Variants in TFR2 observed in about 807,000 individuals in gnomAD.
The protein encoded by TFR2 is transferrin receptor protein 2.
Under a neutral mutation model 91.9 loss-of-function variants are expected in TFR2, and 64 were observed. The observed-to-expected ratio is 0.70, with a 90% CI of 0.57 to 0.86. The LOEUF (loss-of-function observed/expected upper bound fraction) is 0.86. Among genes scored for constraint, TFR2 ranks in the 40% least tolerant of loss-of-function variants. TFR2 has a pLI of 0.00. For missense variants in TFR2, 950 were observed against 1,080.5 expected (o/e 0.88, Z 1.69); for synonymous variants, 454 against 459.6 (o/e 0.99, Z 0.15).
chr7:100,621,148 G>A, intron 17 of TFR2, 22 bp from the exon 18 acceptor site: 2 of 1,490,048 alleles, frequency 1.3e-6, no homozygotes. Flanking sequence ...GGGGGATCAG[G>A]TCAGGGTTGG....
In TFR2 at chr7:100,627,335, C is replaced by T. The variant is rs775396434; in HGVS notation, c.1924G>A (p.Asp642Asn). The T allele has an allele frequency of 1.8e-5, 28 of 1,551,060 alleles. No individual in the cohort carries two copies. The highest frequency in any genetic ancestry group is 2.3e-5 in the Non-Finnish European group (26 of 1,147,176). Residue 642 changes from aspartate (D) to asparagine (N), a missense_variant, in exon 16 of 18, where the codon GAC (aspartate) becomes AAC (asparagine). Asp to Asn is a conservative substitution (Grantham distance 23, BLOSUM62 1). Coordinates refer to ENST00000223051, the MANE Select transcript of TFR2 (RefSeq NM_003227.4). ...ACGACGTCCCCGTAGCGGCCGAAGTCGAGGGGCAGCAGGCGATCGTGGCTG... is the reference window on the plus strand; with the variant it reads ...ACGACGTCCCCGTAGCGGCCGAAGTTGAGGGGCAGCAGGCGATCGTGGCTG... ...RLSHDRLLPL[D>N]FGRYGDVVLR...
At chr7:100,621,301 T>C (rs1376492938) in intron 17 of TFR2, among the ~76,000 whole-genome samples, 175 bp from the exon 18 acceptor site, 3 of 152,242 alleles carry the variant, frequency 2.0e-5, no homozygotes, top group African/African-American at 4.8e-5. Context: ...TCTCCCAGGC[T>C]GGAGTGCAGT....
Position 100,628,249 on chromosome 7 carries a change from C to A in TFR2, c.1448G>T (p.Ser483Ile). 1.9e-6 allele frequency: 3 copies of A among 1,613,918 alleles called. No individual in the cohort carries two copies. Among genetic ancestry groups the A allele is most frequent in the Non-Finnish European group, 2.5e-6 (3 of 1,179,946 alleles). The change falls in exon 11 of 18, where the codon AGC becomes ATC. Residue 483 changes from serine to isoleucine, a missense_variant. By Grantham distance (142) the Ser-to-Ile change is moderately radical (BLOSUM62 -2). Transcript: ENST00000223051. ...CTCTAGCCACTCCGTGGAGCCCACG[C>A]TTCCAAAGTCACCACCGTCCCAGCT... ...FISWDGGDFG[S>I]VGSTEWLEGY...
In TFR2 at chr7:100,627,569, C is replaced by T. The variant is rs1803301515; in HGVS notation, c.1767+8G>A. On this transcript the variant is annotated splice_region_variant and intron_variant, in intron 15 of 17. Coordinates refer to ENST00000223051, the MANE Select transcript of TFR2 (RefSeq NM_003227.4). ...CGCTGTGTCTGGGGCAGGGGGAGGA[C>T]GTCTCACCTCCATAAAGGAGAACTC... The T allele has an allele frequency of 6.2e-7, 1 of 1,614,094 alleles. No individual in the cohort carries two copies. Among genetic ancestry groups the T allele is most frequent in the Non-Finnish European group, 8.5e-7 (1 of 1,179,968 alleles).
At chr7:100,631,728 C>T in intron 8 of TFR2, 78 bp downstream of exon 8, 1 of 1,546,100 alleles carries the variant, frequency 6.5e-7, no homozygotes, top group Non-Finnish European at 8.7e-7. Context: ...TTCTAGTTCA[C>T]CCACAATCAC....
intron 3 of TFR2, chr7:100,633,783 T>A (rs1803519961): frequency 1.6e-6 from 1 of 636,478 alleles, no homozygotes; most frequent in Non-Finnish European, 2.4e-6. Context: ...ATCTCGGCTC[T>A]CTGCAACTTC....
Position 100,640,810 on chromosome 7 carries a change from C to T in TFR2, c.349G>A (p.Val117Met), listed in dbSNP as rs1377241802. The T allele has an allele frequency of 6.2e-7, 1 of 1,614,072 alleles. No homozygotes were observed. The highest frequency in any genetic ancestry group is 8.5e-7 in the Non-Finnish European group (1 of 1,180,042). Residue 117 changes from valine to methionine, a missense_variant, in exon 3 of 18, where the codon GTG becomes ATG. Physicochemically the swap from Val to Met is conservative, Grantham distance 21. Transcript: ENST00000223051. ...SCQACGDSVL[V>M]VSEDVNYEPD... Reference sequence around the variant, plus strand: ...TCATAGTTGACATCCTCACTGACCACCAACACAGAGTCTCCGCACGCCTGG... The same window carrying T: ...TCATAGTTGACATCCTCACTGACCATCAACACAGAGTCTCCGCACGCCTGG...
chr7:100,623,348 C>A (rs565203641), intron 17 of TFR2, among the ~76,000 whole-genome samples: 1 of 152,314 alleles, frequency 6.6e-6, no homozygotes, highest in African/African-American at 2.4e-5. Context: ...TATTATTCTC[C>A]TCCTCTTCCC....
At chr7:100,636,722 T>A (rs1803577357) in intron 3 of TFR2, among the ~76,000 whole-genome samples, 1 of 151,932 alleles carries the variant, frequency 6.6e-6, no homozygotes, top group Non-Finnish European at 1.5e-5. Flanking sequence ...ACATGACAAA[T>A]GTCCTATAGC....
intron 12 of TFR2, 27 bp from the exon 13 acceptor site, chr7:100,628,001 C>T (rs1003928892): frequency 6.2e-7 from 1 of 1,614,020 alleles, no homozygotes; most frequent in East Asian, 2.2e-5. Context: ...GGAGGGATGC[C>T]AGGCTCAGGG....
chr7:100,638,733 A>G (rs1562844275), intron 3 of TFR2, among the ~76,000 whole-genome samples: 1 of 146,050 alleles, frequency 6.8e-6, no homozygotes, highest in Non-Finnish European at 1.5e-5. Flanking sequence ...CCTGGGCAAC[A>G]GTGAAACTCT....
Position 100,620,803 on chromosome 7 carries a change from G to T in TFR2, c.*54C>A. 1 of 1,610,064 alleles carries T rather than the reference G, an allele frequency of 6.2e-7. No individual in the cohort carries two copies. Among genetic ancestry groups the T allele is most frequent in the Non-Finnish European group, 8.5e-7 (1 of 1,177,110 alleles). ...CTCCCTGACCCTGAATCATTCAAGC[G>T]AGGAGCAGAGGAGCTCTTGACTGGG... On this transcript the variant is annotated 3_prime_UTR_variant, in exon 18 of 18. Transcript: ENST00000223051.
intron 17 of TFR2, among the ~76,000 whole-genome samples, chr7:100,622,970 C>CCAAACAAA (rs3991183): frequency 2.0e-5 from 3 of 149,426 alleles, no homozygotes; most frequent in Non-Finnish European, 4.5e-5. Flanking sequence ...GAAAACAAAA[C>CCAAACAAA]CAAACAAACA....
intron 3 of TFR2, among the ~76,000 whole-genome samples, chr7:100,637,475 T>C (rs972170109): frequency 2.0e-5 from 3 of 151,734 alleles, no homozygotes; most frequent in African/African-American, 7.3e-5. Flanking sequence ...ACGCCTGTAG[T>C]CCCAGCTACT....
chr7:100,640,149 G>C (rs1203101505), intron 3 of TFR2: 4 of 157,976 alleles, frequency 2.5e-5, no homozygotes, highest in Admixed American at 1.2e-4. Flanking sequence ...GCATAATCTC[G>C]GCTCACTGCA....
intron 16 of TFR2, 54 bp from the exon 17 acceptor site, chr7:100,626,957 T>C (rs1803278486): frequency 6.6e-7 from 1 of 1,513,420 alleles, no homozygotes; most frequent in Non-Finnish European, 8.8e-7. Context: ...GACCCCCGCC[T>C]AGCATGGGGA....
rs147942802 is a variant in TFR2 at position 100,624,683 on chromosome 7, T to C, written c.2136+2080A>G. On this transcript the variant is annotated intron_variant, in intron 17 of 17. Coordinates refer to ENST00000223051, the MANE Select transcript of TFR2 (RefSeq NM_003227.4). Reference sequence around the variant, plus strand: ...GATTTTGAGACAAGCCTGGACAATATAGTGAGATCCCATCTCTACAAAAAA... The same window carrying C: ...GATTTTGAGACAAGCCTGGACAATACAGTGAGATCCCATCTCTACAAAAAA... 4.3e-3 allele frequency among the ~76,000 whole-genome samples: 659 copies of C among 152,104 alleles called. 4 individuals carry two copies. The highest frequency in any genetic ancestry group is 5.6e-3 in the Non-Finnish European group (382 of 67,998).
chr7:100,640,405 T>C, intron 3 of TFR2: 1 of 471,170 alleles, frequency 2.1e-6, no homozygotes. Context: ...TTTCTGGGTC[T>C]GTCCAGTCTG....
rs768083890 is a variant in TFR2, at chr7:100,633,441, A to G, written c.589T>C (p.Tyr197His). Reference protein sequence around the residue: ...KLDHVWTDTHYVGLQFPDPAH... With the variant: ...KLDHVWTDTHHVGLQFPDPAH... ...GGATCCGGGAATTGCAGCCCCACGT[A>G]GTGCGTGTCGGTCCACACGTGGTCC... The change falls in exon 4 of 18, where the codon TAC becomes CAC. Residue 197 changes from tyrosine to histidine, a missense_variant. By Grantham distance (83) the Tyr-to-His change is moderately conservative. Transcript: ENST00000223051. 5.0e-6 allele frequency: 8 copies of G among 1,612,494 alleles called. No individual in the cohort carries two copies. The Admixed American group carries it at 5.0e-5, about 10-fold the overall frequency.
Sources: gnomAD v4.1 joint callset for allele counts (sites outside exome capture counted in the v4.1 genomes callset) on GRCh38, gnomAD v4.1.1 for gene constraint, MANE v1.5 for transcripts, NCBI Gene and HGNC (gene_info 2026-07-23, HGNC 2026-07-21) for gene names.